Variants in GMDS observed in about 807,000 individuals in gnomAD.
GMDS encodes the protein GDP-mannose 4,6 dehydratase.
GMDS carries 20 observed loss-of-function variants against 49.9 expected under a neutral mutation model. The observed-to-expected ratio is 0.40, with a 90% CI of 0.28 to 0.58. The LOEUF (loss-of-function observed/expected upper bound fraction) is 0.58. Among genes scored for constraint, GMDS ranks in the 20% least tolerant of loss-of-function variants. The pLI is 0.42. For synonymous variants in GMDS, 177 were observed against 178.6 expected, an observed-to-expected ratio of 0.99 and a Z score of 0.07; for missense variants, 362 against 481.4, an observed-to-expected ratio of 0.75 and a Z score of 2.32.
chr6:2,237,225 G>GAAAC (rs1271067989), intron 1 of GMDS, among the ~76,000 whole-genome samples: 1 of 152,130 alleles, frequency 6.6e-6, no homozygotes, highest in Non-Finnish European at 1.5e-5. Flanking sequence ...AAACAATTGG[G>GAAAC]TTACTACTTA....
intron 7 of GMDS, among the ~76,000 whole-genome samples, chr6:1,788,713 G>A (rs749960208): frequency 2.1e-4 from 32 of 152,180 alleles, no homozygotes; most frequent in South Asian, 1.0e-3. Flanking sequence ...CTCAAATGCT[G>A]TTAATGGAAC....
Position 1,704,307 on chromosome 6 carries a change from T to C in GMDS, c.987+22109A>G, listed in dbSNP as rs552348721. On this transcript the variant is annotated intron_variant, in intron 9 of 10. Coordinates refer to ENST00000380815, the MANE Select transcript of GMDS (RefSeq NM_001500.4). Reference sequence around the variant, plus strand: ...ATTCAAGGCGGGGTGGGTGTGGGGGTAAGGCAGCCCTGCCTGAGGAATGCA... The same window carrying C: ...ATTCAAGGCGGGGTGGGTGTGGGGGCAAGGCAGCCCTGCCTGAGGAATGCA... Among the ~76,000 whole-genome samples the C allele has an allele frequency of 6.0e-5, 9 of 149,960 alleles. 1 individual carries two copies. Among genetic ancestry groups the C allele is most frequent in the African/African-American group, 2.2e-4 (9 of 40,654 alleles).
intron 4 of GMDS, among the ~76,000 whole-genome samples, chr6:2,000,009 T>TAA (rs1491273695): frequency 1.7e-4 from 1 of 6,050 alleles, no homozygotes; most frequent in Non-Finnish European, 4.5e-4. Flanking sequence ...TATATATATA[T>TAA]TTTTTATATA....
At chr6:2,095,782 C>T (rs530680859) in intron 4 of GMDS, among the ~76,000 whole-genome samples, 1 of 152,258 alleles carries the variant, frequency 6.6e-6, no homozygotes, top group South Asian at 2.1e-4. Flanking sequence ...CATATAAACC[C>T]TTTCAATGAT....
intron 9 of GMDS, among the ~76,000 whole-genome samples, chr6:1,629,210 G>A (rs761699701): frequency 6.6e-6 from 1 of 152,148 alleles, no homozygotes; most frequent in Non-Finnish European, 1.5e-5. Context: ...ACATGCTCAC[G>A]AATTTATCCT....
chr6:1,739,431 C>T (rs1178668733), intron 8 of GMDS, among the ~76,000 whole-genome samples: 1 of 152,244 alleles, frequency 6.6e-6, no homozygotes, highest in African/African-American at 2.4e-5. Flanking sequence ...TGTCTTGGAG[C>T]ACATCCTGCC....
intron 1 of GMDS, among the ~76,000 whole-genome samples, chr6:2,174,771 G>T (rs982637497): frequency 6.6e-6 from 1 of 152,028 alleles, no homozygotes; most frequent in Non-Finnish European, 1.5e-5. Flanking sequence ...ATTGCACCAT[G>T]TTGGCCAGGC....
At chr6:1,938,061 G>C (rs564916556) in intron 6 of GMDS, among the ~76,000 whole-genome samples, 1 of 152,232 alleles carries the variant, frequency 6.6e-6, no homozygotes, top group Admixed American at 6.5e-5. Flanking sequence ...CATGAGAGGG[G>C]CATTGTTTCC....
chr6:1,796,002 G>A (rs986318851), intron 7 of GMDS, among the ~76,000 whole-genome samples: 3 of 152,224 alleles, frequency 2.0e-5, no homozygotes, highest in Admixed American at 1.3e-4. Flanking sequence ...TTAGCAGGAT[G>A]CCTGTATCGG....
At chr6:1,687,677 G>A (rs1765024912) in intron 9 of GMDS, among the ~76,000 whole-genome samples, 1 of 152,174 alleles carries the variant, frequency 6.6e-6, no homozygotes, top group Admixed American at 6.5e-5. Flanking sequence ...AGAGGCAGGT[G>A]AAGAACGTGA....
chr6:1,746,064 A>G (rs1031619939), intron 7 of GMDS, among the ~76,000 whole-genome samples: 7 of 152,242 alleles, frequency 4.6e-5, no homozygotes, highest in Admixed American at 4.6e-4. Context: ...GGATGGCACA[A>G]CTGAGGCAAA....
Position 2,115,864 on chromosome 6 carries a change from A to G in GMDS, c.252T>C (p.Tyr84=). The G allele has an allele frequency of 6.3e-7, 1 of 1,589,904 alleles. No individual in the cohort carries two copies. Among genetic ancestry groups the G allele is most frequent in the African/African-American group, 1.3e-5 (1 of 74,550 alleles). The change falls in exon 4 of 11, where the codon TAT becomes TAC. Residue 84 remains tyrosine, a synonymous_variant. Transcript: ENST00000380815. ...GGCAGGTACTGTCAGTGAGATCGCC[A>G]TAGTGCAACTTCATGTCTTCAGGAT... is the stretch of plus-strand genomic sequence containing the variant. ...AHIEGNMKLH[Y]GDLTDSTCLV...
At chr6:1,644,900 G>A (rs1763439396) in intron 9 of GMDS, among the ~76,000 whole-genome samples, 1 of 151,842 alleles carries the variant, frequency 6.6e-6, no homozygotes, top group Non-Finnish European at 1.5e-5. Flanking sequence ...AGGAAGTGGG[G>A]TGTATCAGGA....
At chr6:2,025,973 C>T (rs1399847626) in intron 4 of GMDS, among the ~76,000 whole-genome samples, 1 of 152,192 alleles carries the variant, frequency 6.6e-6, no homozygotes, top group Non-Finnish European at 1.5e-5. Context: ...TACATGGCCA[C>T]ATAGTCCTTA....
intron 1 of GMDS, among the ~76,000 whole-genome samples, chr6:2,183,971 A>G (rs1032891628): frequency 2.6e-5 from 4 of 152,370 alleles, no homozygotes; most frequent in African/African-American, 9.6e-5. Flanking sequence ...AACATAACAT[A>G]TATGCACAAC....
intron 1 of GMDS, among the ~76,000 whole-genome samples, chr6:2,154,863 C>CAAAAAAAAAAAAAAAAAAAAA (rs70992124): frequency 1.4e-4 from 9 of 65,620 alleles, no homozygotes; most frequent in East Asian, 5.6e-4. Flanking sequence ...TGAAGAGATG[C>CAAAAAAAAAAAAAAAAAAAAA]AAAAAAAAAA....
At chr6:1,957,453 T>C (rs1165155601) in intron 6 of GMDS, among the ~76,000 whole-genome samples, 1 of 152,240 alleles carries the variant, frequency 6.6e-6, no homozygotes, top group Non-Finnish European at 1.5e-5. Context: ...ATAGTAGGCA[T>C]TACATATCAA....
At chr6:2,085,174 AT>A (rs1363719684) in intron 4 of GMDS, among the ~76,000 whole-genome samples, 4 of 151,902 alleles carry the variant, frequency 2.6e-5, no homozygotes, top group Non-Finnish European at 5.9e-5. Context: ...AAAAAAAAAA[AT>A]TATTTTTCTT....
intron 1 of GMDS, among the ~76,000 whole-genome samples, chr6:2,209,206 G>A (rs1779948158): frequency 6.6e-6 from 1 of 152,182 alleles, no homozygotes; most frequent in Non-Finnish European, 1.5e-5. Context: ...TATTTTAAAT[G>A]ATGGGAACCC....
Sources: gnomAD v4.1 joint callset for allele counts (sites outside exome capture counted in the v4.1 genomes callset) on GRCh38, gnomAD v4.1.1 for gene constraint, MANE v1.5 for transcripts, NCBI Gene and HGNC (gene_info 2026-07-23, HGNC 2026-07-21) for gene names.